Variants in ZFAND3 observed in about 807,000 individuals in gnomAD.
The protein encoded by ZFAND3 is AN1-type zinc finger protein 3.
In ZFAND3, 10 loss-of-function variants were observed where a neutral mutation model predicts 29.6. That is an observed-to-expected ratio of 0.34 (90% CI 0.21 to 0.57). ZFAND3 has a LOEUF of 0.57. Among genes scored for constraint, ZFAND3 ranks in the 20% least tolerant of loss-of-function variants. The pLI is 0.86. For synonymous variants in ZFAND3, 128 were observed against 112.6 expected, an observed-to-expected ratio of 1.14 and a Z score of -0.87; for missense variants, 230 against 304.5, an observed-to-expected ratio of 0.76 and a Z score of 1.82.
At chr6:38,052,641 C>A (rs1309148706) in intron 2 of ZFAND3, among the ~76,000 whole-genome samples, 1 of 152,064 alleles carries the variant, frequency 6.6e-6, no homozygotes, top group Non-Finnish European at 1.5e-5. Flanking sequence ...TTAAGGACTT[C>A]CCTTAGGAAG....
rs146469266 is a variant in ZFAND3 at position 38,072,065 on chromosome 6, T to G, written c.295+10290T>G. Among the ~76,000 whole-genome samples, 288 of 152,314 alleles carry G rather than the reference T, an allele frequency of 1.9e-3. 2 individuals carry two copies. Among genetic ancestry groups the G allele is most frequent in the African/African-American group, 6.7e-3 (278 of 41,576 alleles). On this transcript the variant is annotated intron_variant, in intron 3 of 5. Coordinates refer to ENST00000287218, the MANE Select transcript of ZFAND3 (RefSeq NM_021943.3). The stretch of plus-strand genomic sequence containing the variant: ...AAAAGGCAGTGTCCCTACCAGATTT[T>G]GAAAATTTGGATGCTTTGTGGTGGT...
intron 2 of ZFAND3, among the ~76,000 whole-genome samples, chr6:38,005,292 A>G (rs1371645063): frequency 6.6e-6 from 1 of 152,226 alleles, no homozygotes; most frequent in Non-Finnish European, 1.5e-5. Flanking sequence ...GATAAAGAGT[A>G]TTGAAGTCTC....
At chr6:38,091,021 C>T (rs1013727359) in intron 4 of ZFAND3, among the ~76,000 whole-genome samples, 1 of 152,202 alleles carries the variant, frequency 6.6e-6, no homozygotes, top group Non-Finnish European at 1.5e-5. Context: ...GGGCTTTACT[C>T]AGGAGAAGCA....
chr6:37,880,425 C>G (rs1764870628), intron 1 of ZFAND3, among the ~76,000 whole-genome samples: 2 of 152,160 alleles, frequency 1.3e-5, no homozygotes, highest in Non-Finnish European at 2.9e-5. Flanking sequence ...AATGGAATAA[C>G]TTGCTAAGGG....
At chr6:38,022,596 C>A (rs1291901513) in intron 2 of ZFAND3, among the ~76,000 whole-genome samples, 1 of 152,210 alleles carries the variant, frequency 6.6e-6, no homozygotes, top group African/African-American at 2.4e-5. Context: ...CTTCCCACTC[C>A]ATTTTTCAAA....
chr6:37,896,015 C>T (rs527850433), intron 1 of ZFAND3, among the ~76,000 whole-genome samples: 239 of 152,266 alleles, frequency 1.6e-3, no homozygotes, highest in African/African-American at 5.2e-3. Context: ...TTTGTTCCCT[C>T]TAGTTATTTT....
Position 37,959,112 on chromosome 6 carries a change from C to T in ZFAND3, c.112+29113C>T, listed in dbSNP as rs1157805129. Among the ~76,000 whole-genome samples the T allele has an allele frequency of 3.9e-5, 6 of 152,282 alleles. No homozygotes were observed. The South Asian group carries it at 1.0e-3, about 26-fold the overall frequency. ...TGAGTAAGCTGAGGTGTGGTATTCT[C>T]GGCAGCCCCCATTTCACCTTCTGAA... On this transcript the variant is annotated intron_variant, in intron 2 of 5. Coordinates refer to ENST00000287218, the MANE Select transcript of ZFAND3 (RefSeq NM_021943.3).
At chr6:37,868,914 C>A (rs1764640554) in intron 1 of ZFAND3, among the ~76,000 whole-genome samples, 1 of 152,118 alleles carries the variant, frequency 6.6e-6, no homozygotes, top group Admixed American at 6.5e-5. Context: ...TTAGTTATTC[C>A]TTAAATGTTT....
At chr6:38,041,372 A>G (rs1763756006) in intron 2 of ZFAND3, among the ~76,000 whole-genome samples, 3 of 152,088 alleles carry the variant, frequency 2.0e-5, no homozygotes, top group South Asian at 2.1e-4. Flanking sequence ...TTTAGCATCT[A>G]TTGATGACTT....
intron 2 of ZFAND3, among the ~76,000 whole-genome samples, chr6:37,981,501 GT>G (rs1394982415): frequency 6.6e-6 from 1 of 152,128 alleles, no homozygotes; most frequent in Non-Finnish European, 1.5e-5. Context: ...GTGATTTTTG[GT>G]CATGGTTAGG....
chr6:37,820,055 G>C (rs1011103322), intron 1 of ZFAND3, 39 bp downstream of exon 1: 56 of 1,165,204 alleles, frequency 4.8e-5, no homozygotes, highest in Non-Finnish European at 5.5e-5. Flanking sequence ...GGCGGGGGCC[G>C]GGGGCGCAGA....
intron 4 of ZFAND3, among the ~76,000 whole-genome samples, chr6:38,087,602 T>C (rs1246587207): frequency 1.3e-5 from 2 of 152,226 alleles, no homozygotes; most frequent in African/African-American, 4.8e-5. Flanking sequence ...TCAACATCAT[T>C]GATCGTCAGA....
At chr6:38,042,300 CT>C (rs1763805646) in intron 2 of ZFAND3, among the ~76,000 whole-genome samples, 2 of 146,270 alleles carry the variant, frequency 1.4e-5, no homozygotes, top group African/African-American at 2.5e-5. Context: ...CATATAACTC[CT>C]TCTTGAGCTT....
At chr6:38,060,966 A>G (rs1764226131) in intron 2 of ZFAND3, among the ~76,000 whole-genome samples, 1 of 152,118 alleles carries the variant, frequency 6.6e-6, no homozygotes, top group Non-Finnish European at 1.5e-5. Flanking sequence ...CATTTGGTTG[A>G]AAAAAATCCA....
chr6:37,906,337 G>A (rs973644354), intron 1 of ZFAND3, among the ~76,000 whole-genome samples: 2 of 152,090 alleles, frequency 1.3e-5, no homozygotes, highest in Non-Finnish European at 2.9e-5. Flanking sequence ...GCTTATCCGT[G>A]TTGTTGTGTG....
At chr6:37,953,298 C>A (rs1232408061) in intron 2 of ZFAND3, among the ~76,000 whole-genome samples, 2 of 151,708 alleles carry the variant, frequency 1.3e-5, no homozygotes, top group East Asian at 3.9e-4. Flanking sequence ...TAGGGTGTAT[C>A]ATATATATTT....
chr6:38,114,902 C>G (rs755248459), intron 4 of ZFAND3, among the ~76,000 whole-genome samples: 1 of 152,144 alleles, frequency 6.6e-6, no homozygotes, highest in Non-Finnish European at 1.5e-5. Context: ...ATTTCCTGCC[C>G]TCTTGGAGTT....
chr6:38,087,772 A>G (rs1026722170), intron 4 of ZFAND3, among the ~76,000 whole-genome samples: 2 of 152,202 alleles, frequency 1.3e-5, no homozygotes. Flanking sequence ...ACTATGGAGA[A>G]CAGTTTGGAG....
chr6:37,890,104 G>A (rs959060756), intron 1 of ZFAND3, among the ~76,000 whole-genome samples: 1 of 152,136 alleles, frequency 6.6e-6, no homozygotes, highest in Non-Finnish European at 1.5e-5. Flanking sequence ...GCTAATAATA[G>A]CATGAGTCCT....
Sources: allele counts gnomAD v4.1 joint callset (sites outside exome capture counted in the v4.1 genomes callset), GRCh38; gene constraint gnomAD v4.1.1; transcripts MANE v1.5; gene names NCBI Gene and HGNC (gene_info 2026-07-23, HGNC 2026-07-21).